Variants in DCDC1 observed in about 807,000 individuals in gnomAD.
DCDC1 encodes doublecortin domain containing 1.
In DCDC1, 200 loss-of-function variants were observed where a neutral mutation model predicts 178.3. The observed-to-expected ratio is 1.12, with a 90% CI of 1.00 to 1.26. The LOEUF (loss-of-function observed/expected upper bound fraction) is 1.26, where lower values mean the gene tolerates loss of function less well. Among genes scored for constraint, DCDC1 ranks in the 50% most tolerant of loss-of-function variants. The pLI is 0.00. For missense variants in DCDC1, 1,983 were observed against 1,749.2 expected (o/e 1.13, Z -2.38); for synonymous variants, 690 against 604.8 (o/e 1.14, Z -2.07).
chr11:30,873,717 T>G (rs996810080), intron 38 of DCDC1, among the ~76,000 whole-genome samples: 1 of 152,046 alleles, frequency 6.6e-6, no homozygotes, highest in South Asian at 2.1e-4. Flanking sequence ...TGATGGAAAA[T>G]AGAAATCCTC....
chr11:31,071,754 G>A (rs1382302535), intron 18 of DCDC1, among the ~76,000 whole-genome samples: 3 of 152,186 alleles, frequency 2.0e-5, no homozygotes, highest in Admixed American at 1.3e-4. Flanking sequence ...GGGCACTTCA[G>A]CTTCTGTTTT....
chr11:31,030,098 A>G (rs532042457), intron 20 of DCDC1, among the ~76,000 whole-genome samples: 1 of 152,120 alleles, frequency 6.6e-6, no homozygotes, highest in Admixed American at 6.5e-5. Flanking sequence ...GAAAAAAAAA[A>G]GATTTCATAT....
chr11:31,005,414 C>T (rs944394211), intron 20 of DCDC1, among the ~76,000 whole-genome samples: 1 of 152,176 alleles, frequency 6.6e-6, no homozygotes, highest in African/African-American at 2.4e-5. Flanking sequence ...TGCAGTGAAC[C>T]ACAGAGCTCT....
At chr11:30,865,536 T>G (rs1226342660) in intron 38 of DCDC1, among the ~76,000 whole-genome samples, 2 of 152,174 alleles carry the variant, frequency 1.3e-5, no homozygotes, top group Non-Finnish European at 2.9e-5. Flanking sequence ...ATGTGAGTTA[T>G]GAAATCTAAT....
In DCDC1 at chr11:30,931,801, C is replaced by A. The variant is rs147574605; in HGVS notation, c.2867G>T (p.Gly956Val). The change falls in exon 22 of 39, where the codon GGT (glycine) becomes GTT (valine). Residue 956 changes from glycine (G) to valine (V), a missense_variant. Transcript: ENST00000684477. Reference sequence around the variant, plus strand: ...TTTCCGTCCAGGTGAGATATCTGGACCAAGGATAGTAACGGATCTGTTTTT... The same window carrying A: ...TTTCCGTCCAGGTGAGATATCTGGAACAAGGATAGTAACGGATCTGTTTTT... ...KNKNRSVTIL[G>V]PDISPGRKTQ... The A allele has an allele frequency of 3.9e-3, 6,249 of 1,612,308 alleles. 20 individuals are homozygous for A. Among genetic ancestry groups the A allele is most frequent in the Non-Finnish European group, 4.7e-3 (5,556 of 1,178,950 alleles).
intron 20 of DCDC1, among the ~76,000 whole-genome samples, chr11:31,039,376 T>C (rs1309121742): frequency 6.6e-6 from 1 of 152,184 alleles, no homozygotes; most frequent in Non-Finnish European, 1.5e-5. Flanking sequence ...ATATGCACAA[T>C]GATATTTAAG....
At chr11:31,324,012 G>T (rs940592246) in intron 3 of DCDC1, among the ~76,000 whole-genome samples, 2 of 152,036 alleles carry the variant, frequency 1.3e-5, no homozygotes, top group African/African-American at 2.4e-5. Context: ...AATTCCAGAA[G>T]AAAATGTAAT....
intron 9 of DCDC1, among the ~76,000 whole-genome samples, chr11:31,140,889 C>CTCTCCAAAGCCCTAAGGGT (rs1306534077): frequency 6.6e-6 from 1 of 152,144 alleles, no homozygotes; most frequent in Non-Finnish European, 1.5e-5. Flanking sequence ...GCACTGTGCC[C>CTCTCCAAAGCCCTAAGGGT]TCTCCAAAGC....
At chr11:31,239,621 T>G (rs1434419266) in intron 9 of DCDC1, among the ~76,000 whole-genome samples, 1 of 151,906 alleles carries the variant, frequency 6.6e-6, no homozygotes, top group African/African-American at 2.4e-5. Context: ...CTATGAATTA[T>G]TACAACTTAG....
rs369170886 is a variant in DCDC1, at chr11:31,315,366, G to A, written c.165-7458C>T. 9.4e-4 allele frequency among the ~76,000 whole-genome samples: 117 copies of A among 124,200 alleles called. No individual in the cohort carries two copies. In the South Asian group the frequency reaches 0.031, roughly 33 times the overall value. The allele number at this position is 124,200 out of a possible 152,430, so 81.5% of individuals were successfully genotyped here. ...AGAGTCTCGCTCTGTCACCCAGGCT[G>A]GAGTACAGTGGTACAGTCTCGGCTC... On this transcript the variant is annotated intron_variant, in intron 3 of 38. Transcript: ENST00000684477.
At chr11:31,284,190 G>A (rs1946657702) in intron 7 of DCDC1, among the ~76,000 whole-genome samples, 1 of 152,118 alleles carries the variant, frequency 6.6e-6, no homozygotes, top group Non-Finnish European at 1.5e-5. Context: ...CTCCAAGTAG[G>A]AAATAATGGT....
At chr11:31,251,600 A>G (rs949554123) in intron 8 of DCDC1, among the ~76,000 whole-genome samples, 3 of 152,092 alleles carry the variant, frequency 2.0e-5, no homozygotes, top group Non-Finnish European at 4.4e-5. Context: ...ACAAATTAAG[A>G]GAGAGACAGA....
At chr11:31,037,858 G>C (rs542916893) in intron 20 of DCDC1, among the ~76,000 whole-genome samples, 1 of 152,164 alleles carries the variant, frequency 6.6e-6, no homozygotes, top group South Asian at 2.1e-4. Context: ...TTTTAAAGGA[G>C]ATTCAAGCAA....
chr11:31,001,547 C>T (rs1482189501), intron 20 of DCDC1, among the ~76,000 whole-genome samples: 1 of 152,134 alleles, frequency 6.6e-6, no homozygotes, highest in South Asian at 2.1e-4. Flanking sequence ...GCCACCGCAG[C>T]GAGGCTGAGC....
At position 31,099,688 on chromosome 11, in the gene DCDC1, G is replaced by A. The variant is rs148808584; in HGVS notation, c.1983+2489C>T. On this transcript the variant is annotated intron_variant, in intron 15 of 38. Transcript: ENST00000684477. ...GTCACAAATCAGATAGGGCTACAATGATGGGCAGGGTTTTTTTGTTTGTTT... is the reference window on the plus strand; with the variant it reads ...GTCACAAATCAGATAGGGCTACAATAATGGGCAGGGTTTTTTTGTTTGTTT... Among the ~76,000 whole-genome samples, 225 of 151,592 alleles carry A rather than the reference G, an allele frequency of 1.5e-3. 2 individuals are homozygous for A. The highest frequency in any genetic ancestry group is 4.0e-3 in the African/African-American group (165 of 41,378).
chr11:31,263,144 T>C, intron 8 of DCDC1: 1 of 1,504,858 alleles, frequency 6.6e-7, no homozygotes, highest in Non-Finnish European at 9.1e-7. Flanking sequence ...TATAAATCTT[T>C]CATCTTAACG....
chr11:31,148,702 CA>C (rs397972383), intron 9 of DCDC1, among the ~76,000 whole-genome samples: 184 of 141,502 alleles, frequency 1.3e-3, no homozygotes, highest in Middle Eastern at 3.6e-3. Flanking sequence ...GACTCCGTCT[CA>C]AAAAAAAAAA....
chr11:31,120,384 T>C (rs1312030876), intron 11 of DCDC1, among the ~76,000 whole-genome samples: 3 of 152,150 alleles, frequency 2.0e-5, no homozygotes, highest in African/African-American at 4.8e-5. Context: ...TTCTAGGTCC[T>C]AAGAGTTCTG....
chr11:31,203,103 C>A (rs1156717460), intron 9 of DCDC1, among the ~76,000 whole-genome samples: 1 of 152,068 alleles, frequency 6.6e-6, no homozygotes, highest in East Asian at 1.9e-4. Flanking sequence ...TTCGATGAGA[C>A]TGCAAACCAA....
Sources: allele counts gnomAD v4.1 joint callset (sites outside exome capture counted in the v4.1 genomes callset), GRCh38; gene constraint gnomAD v4.1.1; transcripts MANE v1.5; gene names NCBI Gene and HGNC (gene_info 2026-07-23, HGNC 2026-07-21).